The following ADAMTS17 variants were observed in gnomAD, a reference collection of about 807,000 sequenced individuals.
ADAMTS17 encodes the protein A disintegrin and metalloproteinase with thrombospondin motifs 17.
ADAMTS17 carries 113 observed loss-of-function variants against 141.5 expected under a neutral mutation model. That is an observed-to-expected ratio of 0.80 (90% confidence interval 0.69 to 0.93). The LOEUF (loss-of-function observed/expected upper bound fraction) is 0.93. ADAMTS17 is among the 40% of genes least tolerant of loss of function. The pLI is 0.00. For synonymous variants in ADAMTS17, 768 were observed against 630.6 expected (o/e 1.22, Z -3.27); for missense variants, 1,659 against 1,517.9 (o/e 1.09, Z -1.54).
intron 10 of ADAMTS17, among the ~76,000 whole-genome samples, chr15:100,147,444 A>G (rs975171205): frequency 6.6e-6 from 1 of 152,160 alleles, no homozygotes; most frequent in Non-Finnish European, 1.5e-5. Flanking sequence ...GGTGTAGCCT[A>G]TTGCTCCTAG....
intron 4 of ADAMTS17, among the ~76,000 whole-genome samples, chr15:100,263,882 G>A (rs1378949734): frequency 6.6e-6 from 1 of 152,210 alleles, no homozygotes; most frequent in Non-Finnish European, 1.5e-5. Context: ...CAAGCGTTAA[G>A]CACGGTAGAC....
chr15:100,159,720 T>A (rs1341234348), intron 8 of ADAMTS17, among the ~76,000 whole-genome samples: 2 of 152,224 alleles, frequency 1.3e-5, no homozygotes, highest in African/African-American at 2.4e-5. Context: ...GCATTAACAA[T>A]GTCTCTTCAT....
At chr15:100,340,124 C>T (rs1200429527) in intron 2 of ADAMTS17, among the ~76,000 whole-genome samples, 1 of 152,264 alleles carries the variant, frequency 6.6e-6, no homozygotes, top group Non-Finnish European at 1.5e-5. Context: ...GGGTCCATAC[C>T]AAGCTTCGCT....
intron 10 of ADAMTS17, among the ~76,000 whole-genome samples, chr15:100,140,430 C>T (rs1338543174): frequency 2.0e-5 from 3 of 150,746 alleles, no homozygotes; most frequent in Admixed American, 1.3e-4. Flanking sequence ...GACAACTCTA[C>T]ACTAGTCCTG....
chr15:100,040,327 C>G (rs1012478894), intron 18 of ADAMTS17, among the ~76,000 whole-genome samples: 19 of 152,216 alleles, frequency 1.2e-4, no homozygotes, highest in Non-Finnish European at 7.3e-5. Flanking sequence ...TCTTCCAGAA[C>G]CTGGAGAATA....
rs142331347 is a variant in ADAMTS17, at chr15:100,120,013, G to C, written c.1722-3000C>G. Among the ~76,000 whole-genome samples, 18 of 152,266 alleles carry C rather than the reference G, an allele frequency of 1.2e-4. 1 individual carries two copies. In the East Asian group the frequency reaches 2.1e-3, roughly 18 times the overall value. On this transcript the variant is annotated intron_variant, in intron 12 of 21. Transcript: ENST00000268070. Reference sequence around the variant, plus strand: ...AAGGATCTTATCTCCCAAATATCTGGGTTCTGTGTTCTCAGCAGAGAGCAT... The same window carrying C: ...AAGGATCTTATCTCCCAAATATCTGCGTTCTGTGTTCTCAGCAGAGAGCAT...
intron 7 of ADAMTS17, among the ~76,000 whole-genome samples, chr15:100,221,291 T>TA (rs397731441): frequency 6.6e-6 from 1 of 151,094 alleles, no homozygotes; most frequent in Non-Finnish European, 1.5e-5. Flanking sequence ...TTTTTTTTTT[T>TA]AACAGTGACA....
chr15:100,188,028 G>C (rs1025545657), intron 8 of ADAMTS17, among the ~76,000 whole-genome samples: 1 of 152,158 alleles, frequency 6.6e-6, no homozygotes, highest in African/African-American at 2.4e-5. Context: ...AGGCTGCAAT[G>C]AGTTGCGATC....
chr15:100,124,124 C>T (rs139745754), intron 12 of ADAMTS17, among the ~76,000 whole-genome samples: 32 of 152,082 alleles, frequency 2.1e-4, no homozygotes, highest in Non-Finnish European at 3.5e-4. Context: ...CCACCATGCC[C>T]GGCTAATTTT....
chr15:100,294,462 C>T (rs1190550195), intron 3 of ADAMTS17, among the ~76,000 whole-genome samples: 3 of 151,838 alleles, frequency 2.0e-5, no homozygotes, highest in Non-Finnish European at 4.4e-5. Context: ...GGACCAGATG[C>T]AGTGGCTCAT....
chr15:100,312,172 A>G (rs1268740810), intron 3 of ADAMTS17, among the ~76,000 whole-genome samples: 1 of 152,172 alleles, frequency 6.6e-6, no homozygotes, highest in African/African-American at 2.4e-5. Flanking sequence ...TGATCCAGCT[A>G]AGGTTTTGAG....
rs1011526990 is a variant in ADAMTS17 at position 99,974,055 on chromosome 15, G to A, written c.*347C>T. ...TTCCTCCATGATATACCAAGCACTG[G>A]AAATTCAAATGTCAAAAGCGAGTCA... On this transcript the variant is annotated 3_prime_UTR_variant, in exon 22 of 22. Coordinates refer to ENST00000268070, the MANE Select transcript of ADAMTS17 (RefSeq NM_139057.4). The A allele has an allele frequency of 2.9e-5, 11 of 380,920 alleles. No homozygotes were observed. Among genetic ancestry groups the A allele is most frequent in the Non-Finnish European group, 5.5e-5 (11 of 199,580 alleles). The allele number at this position is 380,920 out of a possible 1,614,324, so 23.6% of individuals were successfully genotyped here.
chr15:99,975,279 G>A (rs1328707313), intron 21 of ADAMTS17, among the ~76,000 whole-genome samples: 4 of 152,150 alleles, frequency 2.6e-5, no homozygotes, highest in Admixed American at 1.3e-4. Flanking sequence ...GCACGATCTC[G>A]GCTCACTACA....
chr15:100,031,107 G>A (rs1276132068), intron 18 of ADAMTS17, among the ~76,000 whole-genome samples: 1 of 152,118 alleles, frequency 6.6e-6, no homozygotes, highest in East Asian at 1.9e-4. Context: ...GTTTACAGAT[G>A]GCAAGATCAT....
chr15:100,330,971 A>G lies in ADAMTS17; in HGVS notation c.534T>C (p.His178=). Residue 178 remains histidine, a synonymous_variant, in exon 3 of 22, where the codon CAT becomes CAC. Coordinates refer to ENST00000268070, the MANE Select transcript of ADAMTS17 (RefSeq NM_139057.4). ...TCAAGGACCATTTGCGCCTGATCAGATGTTCTCGTCCACTGAATGGGCCCT... is the reference window on the plus strand; with the variant it reads ...TCAAGGACCATTTGCGCCTGATCAGGTGTTCTCGTCCACTGAATGGGCCCT... The part of the protein sequence containing the change: ...NSQGPFSGRE[H]LIRRKWSLTP... 1.2e-6 allele frequency: 2 copies of G among 1,614,098 alleles called. No homozygotes were observed. The highest frequency in any genetic ancestry group is 1.7e-6 in the Non-Finnish European group (2 of 1,180,014).
At chr15:100,184,813 T>C (rs924416440) in intron 8 of ADAMTS17, among the ~76,000 whole-genome samples, 11 of 151,932 alleles carry the variant, frequency 7.2e-5, no homozygotes, top group African/African-American at 2.7e-4. Flanking sequence ...CCCTCTCTTC[T>C]GGGGGCCCTT....
At chr15:100,249,969 T>C (rs1415475758) in intron 7 of ADAMTS17, among the ~76,000 whole-genome samples, 1 of 152,190 alleles carries the variant, frequency 6.6e-6, no homozygotes, top group Non-Finnish European at 1.5e-5. Context: ...AGTTATGGTT[T>C]CAAGAGTAGA....
intron 20 of ADAMTS17, among the ~76,000 whole-genome samples, chr15:99,983,117 T>C (rs1357289795): frequency 1.3e-5 from 2 of 152,164 alleles, no homozygotes; most frequent in Non-Finnish European, 2.9e-5. Flanking sequence ...ACTGAGACAT[T>C]GTGCAAGCGT....
intron 7 of ADAMTS17, among the ~76,000 whole-genome samples, chr15:100,208,238 C>T (rs188512125): frequency 1.0e-3 from 154 of 152,288 alleles, no homozygotes; most frequent in African/African-American, 3.6e-3. Context: ...CAATGAAAAC[C>T]GAGCGGCAAC....
Sources: gnomAD v4.1 joint callset for allele counts (sites outside exome capture counted in the v4.1 genomes callset) on GRCh38, gnomAD v4.1.1 for gene constraint, MANE v1.5 for transcripts, NCBI Gene and HGNC (gene_info 2026-07-23, HGNC 2026-07-21) for gene names.